Variants in PTPRN2 observed in about 807,000 individuals in gnomAD.
PTPRN2 encodes the protein receptor-type tyrosine-protein phosphatase N2.
PTPRN2 carries 74 observed loss-of-function variants against 118.8 expected under a neutral mutation model. The ratio of observed to expected loss-of-function variants is 0.62; its 90% confidence interval spans 0.52 to 0.76. PTPRN2 has a LOEUF of 0.76. PTPRN2 is among the 30% of genes least tolerant of loss of function. The pLI is 0.00. For missense variants in PTPRN2, 1,481 were observed against 1,394.4 expected, an observed-to-expected ratio of 1.06 and a Z score of -0.99; for synonymous variants, 641 against 608.0, an observed-to-expected ratio of 1.05 and a Z score of -0.80.
chr7:158,571,223 G>A (rs1179273122), intron 1 of PTPRN2, among the ~76,000 whole-genome samples: 1 of 151,832 alleles, frequency 6.6e-6, no homozygotes, highest in Non-Finnish European at 1.5e-5. Flanking sequence ...AGTGGCTCAC[G>A]CCTGTAATCC....
intron 11 of PTPRN2, 111 bp downstream of exon 11, chr7:158,081,187 T>G: frequency 1.2e-5 from 13 of 1,084,840 alleles, no homozygotes; most frequent in East Asian, 2.5e-5. Context: ...GGTTGCCCCA[T>G]GTGGGTAGTG....
chr7:157,798,061 C>T (rs1276695813), intron 12 of PTPRN2, among the ~76,000 whole-genome samples: 2 of 152,156 alleles, frequency 1.3e-5, no homozygotes, highest in Non-Finnish European at 2.9e-5. Flanking sequence ...GAGTTCGAGA[C>T]CAGTCTGTCC....
At chr7:157,697,609 TG>T (rs1797859877) in intron 12 of PTPRN2, among the ~76,000 whole-genome samples, 1 of 121,478 alleles carries the variant, frequency 8.2e-6, no homozygotes, top group Admixed American at 8.1e-5. Flanking sequence ...CCATGCATAC[TG>T]GGTCTTAGTA....
chr7:158,459,597 C>T (rs181514982), intron 2 of PTPRN2, among the ~76,000 whole-genome samples: 1 of 152,340 alleles, frequency 6.6e-6, no homozygotes, highest in East Asian at 1.9e-4. Flanking sequence ...ACACATGACT[C>T]GGAGAAAGGC....
rs373210809 is a variant in PTPRN2 at position 157,622,877 on chromosome 7, C to T, written c.2197-1368G>A. 2.6e-4 allele frequency among the ~76,000 whole-genome samples: 39 copies of T among 152,298 alleles called. No homozygotes were observed. The South Asian group carries it at 7.5e-3, about 29-fold the overall frequency. ...GAAGCCGCACCGACTGCCTGCTCCA[C>T]GCAGCGAACGCTTTTCCCCCACCAC... On this transcript the variant is annotated intron_variant, in intron 14 of 22. Transcript: ENST00000389418. This position sits in a 1 kb window ranked among gnomAD's most constrained non-coding sequence, Gnocchi z 5.3.
chr7:157,746,593 C>T (rs1308743126), intron 12 of PTPRN2, among the ~76,000 whole-genome samples: 1 of 149,030 alleles, frequency 6.7e-6, no homozygotes, highest in Admixed American at 6.7e-5. Flanking sequence ...GATCACGGGC[C>T]TCCATACACC....
chr7:158,470,386 C>T (rs1819767259), intron 2 of PTPRN2, among the ~76,000 whole-genome samples: 1 of 152,206 alleles, frequency 6.6e-6, no homozygotes. Context: ...TTTGACGGAA[C>T]TTCTCCCGGT....
chr7:157,777,871 T>C (rs1166717891), intron 12 of PTPRN2, among the ~76,000 whole-genome samples: 1 of 152,144 alleles, frequency 6.6e-6, no homozygotes, highest in Non-Finnish European at 1.5e-5. Context: ...GCTGAAAAGC[T>C]AGTTTCTTTC....
chr7:158,224,067 C>T (rs974281614), intron 3 of PTPRN2, among the ~76,000 whole-genome samples: 3 of 152,106 alleles, frequency 2.0e-5, no homozygotes, highest in Non-Finnish European at 2.9e-5. Flanking sequence ...ACGTACAGGA[C>T]CTATGTGCTG....
In PTPRN2 at chr7:158,061,696, G is replaced by A. The variant is rs73748013; in HGVS notation, c.1723+19602C>T. 9.0e-3 allele frequency among the ~76,000 whole-genome samples: 1,368 copies of A among 152,302 alleles called. 19 individuals are homozygous for A. The highest frequency in any genetic ancestry group is 0.031 in the African/African-American group (1,305 of 41,554). On this transcript the variant is annotated intron_variant, in intron 11 of 22. Coordinates refer to ENST00000389418, the MANE Select transcript of PTPRN2 (RefSeq NM_002847.5). Reference sequence around the variant, plus strand: ...AAGAGCCGTAGCTGAGATGCAATGGGGGTGTCCTTCATCACCGGTCCCCAG... The same window carrying A: ...AAGAGCCGTAGCTGAGATGCAATGGAGGTGTCCTTCATCACCGGTCCCCAG...
chr7:157,829,874 G>T (rs1807438856), intron 12 of PTPRN2, among the ~76,000 whole-genome samples: 1 of 152,242 alleles, frequency 6.6e-6, no homozygotes, highest in Non-Finnish European at 1.5e-5. Flanking sequence ...TCATGATGGT[G>T]ATGTCTCCTC....
intron 3 of PTPRN2, among the ~76,000 whole-genome samples, chr7:158,234,495 C>T (rs1829392842): frequency 7.4e-6 from 1 of 134,686 alleles, no homozygotes; most frequent in Admixed American, 7.4e-5. Context: ...TAAAAACATA[C>T]AAATGGCCAA....
At chr7:158,586,504 C>T (rs1407239325) in intron 1 of PTPRN2, among the ~76,000 whole-genome samples, 1 of 152,214 alleles carries the variant, frequency 6.6e-6, no homozygotes, top group African/African-American at 2.4e-5. Context: ...ACCGATTATC[C>T]TAACCTGTCA....
At chr7:158,459,598 G>A (rs1427215963) in intron 2 of PTPRN2, among the ~76,000 whole-genome samples, 3 of 152,172 alleles carry the variant, frequency 2.0e-5, no homozygotes, top group Non-Finnish European at 4.4e-5. Flanking sequence ...CACATGACTC[G>A]GAGAAAGGCC....
At chr7:157,921,844 C>G (rs1391140194) in intron 11 of PTPRN2, among the ~76,000 whole-genome samples, 3 of 152,188 alleles carry the variant, frequency 2.0e-5, no homozygotes, top group Non-Finnish European at 4.4e-5. Context: ...CCTAAGAGAA[C>G]AGCAGGAGTG....
chr7:158,227,245 G>A (rs1033604600), intron 3 of PTPRN2, among the ~76,000 whole-genome samples: 4 of 152,138 alleles, frequency 2.6e-5, no homozygotes, highest in African/African-American at 9.7e-5. Flanking sequence ...CTGAGCAGAG[G>A]AGCAAAATCG....
At chr7:158,050,223 T>A (rs568986731) in intron 11 of PTPRN2, among the ~76,000 whole-genome samples, 1 of 152,388 alleles carries the variant, frequency 6.6e-6, no homozygotes, top group African/African-American at 2.4e-5. Context: ...ATTCAGGGAA[T>A]GCAGCCTTTT....
chr7:158,325,699 A>T (rs541602743), intron 2 of PTPRN2, among the ~76,000 whole-genome samples: 1 of 152,280 alleles, frequency 6.6e-6, no homozygotes, highest in African/African-American at 2.4e-5. Context: ...TTCCGACAAG[A>T]AGGGCAGGCG....
At chr7:158,153,536 A>G (rs1189487991) in intron 6 of PTPRN2, among the ~76,000 whole-genome samples, 1 of 152,100 alleles carries the variant, frequency 6.6e-6, no homozygotes, top group Non-Finnish European at 1.5e-5. Flanking sequence ...TAGAGGTTTG[A>G]GCAGCGGGGC....
Sources: gnomAD v4.1 joint callset for allele counts (sites outside exome capture counted in the v4.1 genomes callset) on GRCh38, gnomAD v4.1.1 for gene constraint, Gnocchi (gnomAD v3.1) non-coding constraint, MANE v1.5 for transcripts, NCBI Gene and HGNC (gene_info 2026-07-23, HGNC 2026-07-21) for gene names.